KANTR: variants seen among roughly 807,000 people sequenced by gnomAD.
KANTR encodes the protein KANTR integral membrane protein.
chrX:53,136,528 G>A (rs1200086691), intron 2 of KANTR, among the ~76,000 whole-genome samples: 23 of 67,384 alleles, frequency 3.4e-4, no homozygotes, highest in Non-Finnish European at 6.0e-4. Context: ...GTGAACCACC[G>A]TTCCCGGCTT....
chrX:53,144,512 A>G (rs989454783), downstream of KANTR, among the ~76,000 whole-genome samples: 1 of 111,129 alleles, frequency 9.0e-6, no homozygotes, highest in Non-Finnish European at 1.9e-5. Flanking sequence ...CCTGGCCAAC[A>G]TGGTGAAACC....
Position 53,124,150 on chromosome X carries a change from TTTC to T in KANTR, c.-117_-115del. 1 of 293,441 alleles carries T rather than the reference TTTC, an allele frequency of 3.4e-6. No individual in the cohort carries two copies. The highest frequency in any genetic ancestry group is 6.0e-6 in the Non-Finnish European group (1 of 167,911). The allele number at this position is 293,441 out of a possible 1,213,427, so 24.2% of individuals were successfully genotyped here. A position where few individuals can be genotyped will look rare whatever the true frequency, so the allele number is the denominator to read the frequency against. Reference sequence around the variant, plus strand: ...GCTATGGAACTGTTGAGGATTTCTTTTTCTTCTTGAGTCGATTTTGGTAAGATA... The same window carrying T: ...GCTATGGAACTGTTGAGGATTTCTTTTTCTTGAGTCGATTTTGGTAAGATA... On this transcript the variant is annotated 5_prime_UTR_variant, in exon 3 of 3. The change creates a premature stop within an existing upstream ORF in the 5' untranslated region. Coordinates refer to ENST00000604062, the Ensembl canonical transcript of KANTR.
At chrX:53,123,697 C>CA (rs1933255707) in exon 3 of KANTR, 1 of 111,646 alleles carries the variant, frequency 9.0e-6, no homozygotes, top group South Asian at 3.7e-4. Flanking sequence ...AACTGGAACA[C>CA]AGACTCCTCC....
intron 2 of KANTR, among the ~76,000 whole-genome samples, chrX:53,114,326 C>T (rs1556814256): frequency 8.9e-6 from 1 of 112,880 alleles, no homozygotes; most frequent in Non-Finnish European, 1.9e-5. Context: ...GGATTATAGG[C>T]CTGAGCCACC....
At chrX:53,139,625 C>T (rs1556818175) in intron 2 of KANTR, among the ~76,000 whole-genome samples, 2 of 111,653 alleles carry the variant, frequency 1.8e-5, no homozygotes, top group East Asian at 2.8e-4. Flanking sequence ...TTGAGACCAG[C>T]CAGACAATAC....
chrX:53,140,416 G>A (rs782370978), intron 2 of KANTR, among the ~76,000 whole-genome samples: 8 of 105,746 alleles, frequency 7.6e-5, no homozygotes, highest in Non-Finnish European at 1.5e-4. Context: ...CAGGAGAATC[G>A]CTTGAACCCA....
intron 2 of KANTR, among the ~76,000 whole-genome samples, chrX:53,104,197 A>T (rs937103964): frequency 9.1e-6 from 1 of 109,774 alleles, no homozygotes; most frequent in Non-Finnish European, 1.9e-5. Flanking sequence ...TAAATAAATA[A>T]ATAAAAGTAT....
At chrX:53,104,272 G>A (rs781818221) in intron 2 of KANTR, among the ~76,000 whole-genome samples, 13 of 110,441 alleles carry the variant, frequency 1.2e-4, no homozygotes, top group Non-Finnish European at 1.9e-5. Context: ...TGTCACCCAA[G>A]CTGGAGTGCA....
intron 2 of KANTR, among the ~76,000 whole-genome samples, chrX:53,138,350 C>T (rs1049248764): frequency 6.5e-5 from 7 of 108,505 alleles, no homozygotes; most frequent in Admixed American, 9.8e-5. Context: ...TCACCACGCC[C>T]GGCCTTTGTT....
rs1933508291 is a variant in KANTR, at chrX:53,141,994, G to A, written n.350G>A. 5 of 237,529 alleles carry A rather than the reference G, an allele frequency of 2.1e-5. No homozygotes were observed. The South Asian group carries it at 6.4e-4, about 30-fold the overall frequency. The allele number at this position is 237,529 out of a possible 1,213,427, so 19.6% of individuals were successfully genotyped here. ...GGCAGGACAGAAACAACTGGTTCAG[G>A]AGCCCTTGCCAGCCTCTAGAGAAAT... On this transcript the variant is annotated non_coding_transcript_exon_variant, in exon 3 of 3. Coordinates refer to the KANTR transcript ENST00000366185.
intron 2 of KANTR, among the ~76,000 whole-genome samples, chrX:53,115,877 C>T (rs782331396): frequency 1.9e-4 from 21 of 111,934 alleles, no homozygotes; most frequent in South Asian, 1.5e-3. Context: ...GAAGTATTTT[C>T]GTGTATGGAT....
At chrX:53,144,041 T>G, downstream of KANTR, 1 of 199,923 alleles carries the variant, frequency 5.0e-6, no homozygotes, top group East Asian at 1.2e-4. Flanking sequence ...TTGATGGAAA[T>G]TTATTCTTAA....
At chrX:53,135,428 A>T (rs781794198) in intron 2 of KANTR, among the ~76,000 whole-genome samples, 1 of 111,790 alleles carries the variant, frequency 8.9e-6, no homozygotes, top group Non-Finnish European at 1.9e-5. Context: ...GGACAAATGG[A>T]CATTTCCCCT....
At chrX:53,100,828 G>T (rs1932886529) in intron 2 of KANTR, among the ~76,000 whole-genome samples, 1 of 112,534 alleles carries the variant, frequency 8.9e-6, no homozygotes, top group Admixed American at 9.4e-5. Context: ...AAAATCTGTT[G>T]TTCACCAACT....
chrX:53,097,350 G>GTTTTTTTTT lies in KANTR; in HGVS notation c.-941-2110_-941-2102dup, dbSNP rs781783647. Reference sequence around the variant, plus strand: ...ACAACCCTTTTTTCATTTGTTTTAAGTTTTTTTTTTTTTTTTTTTTGAGAC... The same window carrying GTTTTTTTTT: ...ACAACCCTTTTTTCATTTGTTTTAAGTTTTTTTTTTTTTTTTTTTTTTTTTTTTTGAGAC... On this transcript the variant is annotated intron_variant, in intron 1 of 2. Coordinates refer to ENST00000604062, the Ensembl canonical transcript of KANTR. 1.8e-3 allele frequency among the ~76,000 whole-genome samples: 121 copies of GTTTTTTTTT among 67,981 alleles called. 3 individuals carry two copies. Among genetic ancestry groups the GTTTTTTTTT allele is most frequent in the Non-Finnish European group, 2.2e-3 (82 of 37,851 alleles). 59.0% of individuals were successfully genotyped at this position (67,981 alleles called of 115,157 possible).
downstream of KANTR, chrX:53,143,502 C>T: frequency 5.0e-6 from 3 of 600,293 alleles, no homozygotes; most frequent in South Asian, 6.6e-5. Context: ...GACAACACGG[C>T]CTGGATGGCC....
At chrX:53,113,566 C>CTTTT (rs782348418) in intron 2 of KANTR, among the ~76,000 whole-genome samples, 15 of 69,654 alleles carry the variant, frequency 2.2e-4, no homozygotes, top group Non-Finnish European at 3.1e-4. Context: ...CCTGATTGTT[C>CTTTT]TTTTTTTTTT....
downstream of KANTR, chrX:53,143,730 C>T (rs1232780930): frequency 4.8e-6 from 3 of 621,991 alleles, no homozygotes; most frequent in East Asian, 3.4e-5. Flanking sequence ...GGATGTCGTG[C>T]TTGCTCTGGG....
chrX:53,101,222 C>T (rs1344352309), intron 2 of KANTR, among the ~76,000 whole-genome samples: 15 of 112,812 alleles, frequency 1.3e-4, no homozygotes, highest in African/African-American at 4.5e-4. Flanking sequence ...GCTAACTGTT[C>T]GGCGCAAGAA....
Sources: gnomAD v4.1 joint callset for allele counts (sites outside exome capture counted in the v4.1 genomes callset) on GRCh38, gnomAD v4.1.1 for gene constraint, MANE v1.5 for transcripts, NCBI Gene and HGNC (gene_info 2026-07-23, HGNC 2026-07-21) for gene names.